IDO2: variants seen among roughly 807,000 people sequenced by gnomAD.
The protein encoded by IDO2 is indoleamine 2,3-dioxygenase-like 1 protein.
A neutral mutation model predicts 45.1 loss-of-function variants in IDO2; 46 were observed. The observed-to-expected ratio is 1.02, with a 90% confidence interval of 0.80 to 1.30. IDO2 has a LOEUF of 1.30. Among genes scored for constraint, IDO2 ranks in the 50% most tolerant of loss-of-function variants. IDO2 has a pLI of 0.00. For missense variants in IDO2, 544 were observed against 491.8 expected, an observed-to-expected ratio of 1.11 and a Z score of -1.00; for synonymous variants, 218 against 184.9, an observed-to-expected ratio of 1.18 and a Z score of -1.45.
At chr8:39,985,778 G>C in intron 6 of IDO2, 1 of 400,680 alleles carries the variant, frequency 2.5e-6, no homozygotes, top group Admixed American at 4.4e-5. Context: ...AACAAGTAAT[G>C]TGCAATGCAA....
intron 2 of IDO2, among the ~76,000 whole-genome samples, chr8:39,949,508 A>G (rs546417212): frequency 6.6e-6 from 1 of 152,322 alleles, no homozygotes; most frequent in Admixed American, 6.5e-5. Flanking sequence ...TTGTCAGGCC[A>G]GAGAAATTAT....
intron 8 of IDO2, among the ~76,000 whole-genome samples, chr8:40,000,456 T>A (rs1011726808): frequency 3.9e-5 from 6 of 152,168 alleles, no homozygotes; most frequent in Non-Finnish European, 7.4e-5. Context: ...CATGATATAT[T>A]ATTTTGTTTT....
chr8:39,981,808 CA>C (rs1330696157), intron 4 of IDO2, among the ~76,000 whole-genome samples: 1 of 152,060 alleles, frequency 6.6e-6, no homozygotes, highest in African/African-American at 2.4e-5. Context: ...AGAGGGGGCA[CA>C]AGGATGGGGT....
intron 1 of IDO2, among the ~76,000 whole-genome samples, chr8:39,936,312 T>C (rs1167267043): frequency 1.3e-4 from 20 of 152,188 alleles, no homozygotes. Context: ...GAGATTTAAT[T>C]CAAGTCATTG....
chr8:39,961,323 T>C (rs545102974), intron 2 of IDO2, among the ~76,000 whole-genome samples: 21 of 141,440 alleles, frequency 1.5e-4, no homozygotes, highest in African/African-American at 5.7e-4. Flanking sequence ...TATACTTCTT[T>C]TTTTTTTTTT....
chr8:39,969,127 T>A (rs1453722223), intron 3 of IDO2, among the ~76,000 whole-genome samples: 1 of 152,216 alleles, frequency 6.6e-6, no homozygotes, highest in Non-Finnish European at 1.5e-5. Context: ...CTGCTTTACA[T>A]GTAGTCATAC....
chr8:39,987,790 A>AGTTCCCTGCAGTTCC, intron 6 of IDO2, 81 bp from the exon 7 acceptor site: 1 of 793,098 alleles, frequency 1.3e-6, no homozygotes, highest in Non-Finnish European at 2.1e-6. Flanking sequence ...GCAGTTATCT[A>AGTTCCCTGCAGTTCC]ACTCGGCAGG....
chr8:39,981,510 C>T (rs1004762590), intron 4 of IDO2, among the ~76,000 whole-genome samples: 1 of 152,022 alleles, frequency 6.6e-6, no homozygotes. Context: ...CTCCACCTCC[C>T]AGCTGTGCCC....
chr8:39,998,638 C>CTTCTTTT (rs772467013), intron 8 of IDO2: 1 of 116,018 alleles, frequency 8.6e-6, no homozygotes, highest in South Asian at 2.7e-4. Flanking sequence ...TTTTCTTCTT[C>CTTCTTTT]TTTTTTTTTT....
chr8:39,942,650 A>G (rs1359312539), intron 1 of IDO2, among the ~76,000 whole-genome samples: 1 of 152,204 alleles, frequency 6.6e-6, no homozygotes, highest in Non-Finnish European at 1.5e-5. Context: ...ACAAACAAAC[A>G]AACAAAATCA....
intron 9 of IDO2, among the ~76,000 whole-genome samples, chr8:40,012,012 G>C (rs574584325): frequency 6.6e-6 from 1 of 152,254 alleles, no homozygotes; most frequent in African/African-American, 2.4e-5. Context: ...TGTTTATCCA[G>C]TGAAAGCTGT....
chr8:39,951,114 C>T (rs759445570), intron 2 of IDO2, among the ~76,000 whole-genome samples: 2 of 146,958 alleles, frequency 1.4e-5, no homozygotes, highest in South Asian at 2.2e-4. Flanking sequence ...TATATCACTC[C>T]GGTAACACTC....
At chr8:39,989,077 T>C (rs922844334) in intron 7 of IDO2, among the ~76,000 whole-genome samples, 4 of 152,276 alleles carry the variant, frequency 2.6e-5, no homozygotes, top group Non-Finnish European at 5.9e-5. Context: ...CTCATAGTTC[T>C]GCATGGATGG....
chr8:39,943,517 C>T (rs1241705050), intron 1 of IDO2, among the ~76,000 whole-genome samples: 1 of 151,880 alleles, frequency 6.6e-6, no homozygotes, highest in Non-Finnish European at 1.5e-5. Context: ...GCGGGCAGAT[C>T]GCGAGGTCAG....
At chr8:39,999,547 A>G (rs1215817076) in intron 8 of IDO2, among the ~76,000 whole-genome samples, 7 of 151,556 alleles carry the variant, frequency 4.6e-5, no homozygotes, top group Non-Finnish European at 1.5e-5. Flanking sequence ...CCAAAGTGCT[A>G]AGATTACAGG....
At chr8:39,947,815 T>A (rs534053221) in intron 1 of IDO2, among the ~76,000 whole-genome samples, 15 of 152,130 alleles carry the variant, frequency 9.9e-5, no homozygotes, top group African/African-American at 3.6e-4. Context: ...GAGATGGAAT[T>A]TCACTTTTGT....
chr8:39,989,741 T>A, exon 8 of IDO2: 1 of 1,596,918 alleles, frequency 6.3e-7, no homozygotes, highest in Non-Finnish European at 8.5e-7. Context: ...AGGCCACGAA[T>A]GCTATCTTGC....
chr8:39,970,904 C>T (rs1252526767), intron 3 of IDO2, among the ~76,000 whole-genome samples: 3 of 151,118 alleles, frequency 2.0e-5, no homozygotes, highest in South Asian at 2.1e-4. Flanking sequence ...GTAGCTGGGA[C>T]TACAGGCACG....
chr8:40,013,645 G>A (rs1802341598), exon 10 of IDO2: 1 of 1,613,802 alleles, frequency 6.2e-7, no homozygotes, highest in African/African-American at 1.3e-5. Context: ...TCCGGCGGGA[G>A]TGCAGCTCAG....
Sources: allele counts gnomAD v4.1 joint callset (sites outside exome capture counted in the v4.1 genomes callset), GRCh38; gene constraint gnomAD v4.1.1; transcripts MANE v1.5; gene names NCBI Gene and HGNC (gene_info 2026-07-23, HGNC 2026-07-21).